LIN28B: variants seen among roughly 807,000 people sequenced by gnomAD.
LIN28B encodes lin-28 RNA binding posttranscriptional regulator B, also known as protein lin-28 homolog B.
A neutral mutation model predicts 21.9 loss-of-function variants in LIN28B; 5 were observed. The ratio of observed to expected loss-of-function variants is 0.23; its 90% CI spans 0.12 to 0.48. The LOEUF is 0.48. LIN28B is among the 20% of genes least tolerant of loss of function. LIN28B has a pLI of 0.98. For synonymous variants in LIN28B, 109 were observed against 111.3 expected (o/e 0.98, Z 0.13); for missense variants, 245 against 310.5 (o/e 0.79, Z 1.58).
intron 3 of LIN28B, among the ~76,000 whole-genome samples, chr6:105,063,653 A>G (rs1197855403): frequency 6.7e-6 from 1 of 149,900 alleles, no homozygotes; most frequent in Non-Finnish European, 1.5e-5. Context: ...GGGGGGAAAA[A>G]AAGGTAAAGT....
intron 2 of LIN28B, among the ~76,000 whole-genome samples, chr6:104,988,357 A>G (rs992395214): frequency 2.6e-5 from 4 of 151,964 alleles, no homozygotes; most frequent in African/African-American, 7.2e-5. Flanking sequence ...TTATCCAGAT[A>G]TAAAGCCTGA....
At chr6:105,071,503 C>T (rs1170018843) in intron 3 of LIN28B, among the ~76,000 whole-genome samples, 1 of 151,984 alleles carries the variant, frequency 6.6e-6, no homozygotes, top group African/African-American at 2.4e-5. Context: ...TAACTTTTTA[C>T]CAGTATGGAC....
chr6:105,034,159 C>A (rs1383366951), intron 3 of LIN28B, among the ~76,000 whole-genome samples: 1 of 151,650 alleles, frequency 6.6e-6, no homozygotes, highest in Non-Finnish European at 1.5e-5. Flanking sequence ...TTCATGGTTT[C>A]TTTTTTTACC....
At chr6:104,939,419 T>A (rs1778053814) in intron 2 of LIN28B, 1 of 152,226 alleles carries the variant, frequency 6.6e-6, no homozygotes, top group Admixed American at 6.5e-5. Context: ...TTGCTGAAGG[T>A]GGTAGCCAAT....
In LIN28B at chr6:104,970,886, A is replaced by G. The variant is rs568073847; in HGVS notation, c.198+12600A>G. On this transcript the variant is annotated intron_variant, in intron 2 of 3. Transcript: ENST00000345080. ...AGCTAGCTGTTTGGAAGAAAATCCT[A>G]TCCACCTCCTGTGATATTTATATAC... Among the ~76,000 whole-genome samples, 10 of 152,296 alleles carry G rather than the reference A, an allele frequency of 6.6e-5. 1 individual carries two copies. In the South Asian group the frequency reaches 2.1e-3, roughly 32 times the overall value.
chr6:105,024,327 T>G (rs1018585265), intron 2 of LIN28B, among the ~76,000 whole-genome samples: 2 of 152,144 alleles, frequency 1.3e-5, no homozygotes, highest in African/African-American at 4.8e-5. Context: ...ACAAAACATA[T>G]GAACATATGA....
At chr6:105,027,886 A>G (rs1437775666) in intron 3 of LIN28B, among the ~76,000 whole-genome samples, 1 of 152,140 alleles carries the variant, frequency 6.6e-6, no homozygotes, top group Non-Finnish European at 1.5e-5. Context: ...TGCCTATTTC[A>G]TATTTTCCTA....
chr6:104,958,014 C>T, intron 1 of LIN28B, 85 bp from the exon 2 acceptor site: 1 of 1,041,596 alleles, frequency 9.6e-7, no homozygotes, highest in Non-Finnish European at 1.3e-6. Flanking sequence ...CCCCCCAACC[C>T]CAGGCAGGCA....
intron 3 of LIN28B, among the ~76,000 whole-genome samples, chr6:105,034,104 G>A (rs1771477125): frequency 6.6e-6 from 1 of 151,874 alleles, no homozygotes; most frequent in Non-Finnish European, 1.5e-5. Context: ...TGGATATGTA[G>A]TGTATATGTT....
At chr6:105,050,327 G>A (rs1054034774) in intron 3 of LIN28B, among the ~76,000 whole-genome samples, 1 of 152,158 alleles carries the variant, frequency 6.6e-6, no homozygotes, top group Non-Finnish European at 1.5e-5. Flanking sequence ...TTGAGGCTGG[G>A]CGCGGTGGCT....
At chr6:104,988,963 A>G (rs1770404758) in intron 2 of LIN28B, among the ~76,000 whole-genome samples, 1 of 152,172 alleles carries the variant, frequency 6.6e-6, no homozygotes, top group Non-Finnish European at 1.5e-5. Context: ...TAAATTTTCA[A>G]GGCTGTCACC....
At chr6:105,039,095 A>G (rs1771580339) in intron 3 of LIN28B, among the ~76,000 whole-genome samples, 1 of 152,186 alleles carries the variant, frequency 6.6e-6, no homozygotes, top group Non-Finnish European at 1.5e-5. Flanking sequence ...GATCTATTTG[A>G]TGGGTTATGA....
At position 105,079,681 on chromosome 6, in the gene LIN28B, A is replaced by G. The variant is rs1057272344; in HGVS notation, c.*898A>G. The stretch of plus-strand genomic sequence containing the variant: ...GGGTTGTAAGGGATTGTGTGGCAAC[A>G]GCAGCTTCCCTTGGCTAACTCAATC... On this transcript the variant is annotated 3_prime_UTR_variant, in exon 4 of 4. Transcript: ENST00000345080. The G allele has an allele frequency of 2.6e-5, 4 of 152,530 alleles. No homozygotes were observed. Among genetic ancestry groups the G allele is most frequent in the Non-Finnish European group, 4.4e-5 (3 of 68,040 alleles). 9.4% of individuals were successfully genotyped at this position (152,530 alleles called of 1,614,324 possible). A position where few individuals can be genotyped will look rare whatever the true frequency, so the allele number is the denominator to read the frequency against.
At chr6:105,002,599 G>A (rs116299147) in intron 2 of LIN28B, among the ~76,000 whole-genome samples, 2,548 of 152,278 alleles carry the variant, frequency 0.017, 73 homozygotes, top group African/African-American at 0.058. Flanking sequence ...AGTAGCTACC[G>A]TCTTGGACAG....
chr6:105,039,492 A>C (rs763485698), intron 3 of LIN28B, among the ~76,000 whole-genome samples: 1 of 152,202 alleles, frequency 6.6e-6, no homozygotes, highest in African/African-American at 2.4e-5. Flanking sequence ...CACAGAGTGT[A>C]TGAAATTTAC....
At chr6:105,059,626 G>A (rs1301014551) in intron 3 of LIN28B, among the ~76,000 whole-genome samples, 1 of 152,190 alleles carries the variant, frequency 6.6e-6, no homozygotes, top group Non-Finnish European at 1.5e-5. Context: ...GAACTGTGCA[G>A]TAGTTTTGCC....
chr6:105,067,580 T>TA (rs1285215672), intron 3 of LIN28B, among the ~76,000 whole-genome samples: 1 of 152,198 alleles, frequency 6.6e-6, no homozygotes, highest in Non-Finnish European at 1.5e-5. Context: ...CTCTTTTTTT[T>TA]AAACTTTTCC....
At chr6:104,975,449 G>A (rs547022420) in intron 2 of LIN28B, among the ~76,000 whole-genome samples, 1 of 152,198 alleles carries the variant, frequency 6.6e-6, no homozygotes, top group African/African-American at 2.4e-5. Context: ...ATAGACCCCA[G>A]TTTGCCACCA....
intron 3 of LIN28B, among the ~76,000 whole-genome samples, chr6:105,027,661 CCTTGA>C (rs1771315819): frequency 6.6e-6 from 1 of 151,890 alleles, no homozygotes; most frequent in Non-Finnish European, 1.5e-5. Flanking sequence ...CTGTGACTCT[CCTTGA>C]TGTTACCTGA....
Sources: gnomAD v4.1 joint callset for allele counts (sites outside exome capture counted in the v4.1 genomes callset) on GRCh38, gnomAD v4.1.1 for gene constraint, MANE v1.5 for transcripts, NCBI Gene and HGNC (gene_info 2026-07-23, HGNC 2026-07-21) for gene names.